PUDP: variants seen among roughly 807,000 people sequenced by gnomAD.
PUDP encodes pseudouridine 5'-phosphatase.
Under a neutral mutation model 9.4 loss-of-function variants are expected in PUDP, and 8 were observed. The ratio of observed to expected loss-of-function variants is 0.85; its 90% confidence interval spans 0.50 to 1.53. The LOEUF (loss-of-function observed/expected upper bound fraction) is 1.53, where lower values mean the gene tolerates loss of function less well. Ranked by LOEUF, PUDP falls within the 40% of genes most tolerant of loss-of-function variation. The pLI is 0.00. For missense variants in PUDP, 188 were observed against 189.7 expected (o/e 0.99, Z 0.05); for synonymous variants, 99 against 80.7 (o/e 1.23, Z -1.22).
At chrX:6,977,422 A>T (rs1173656853) in intron 2 of PUDP, among the ~76,000 whole-genome samples, 2 of 112,266 alleles carry the variant, frequency 1.8e-5, no homozygotes, top group African/African-American at 6.5e-5. Context: ...GTTCTCCATA[A>T]TAAAGACCAT....
At chrX:7,054,846 AAAGCTGATAG>A (rs1453301683) in intron 3 of PUDP, among the ~76,000 whole-genome samples, 3 of 112,329 alleles carry the variant, frequency 2.7e-5, no homozygotes, top group African/African-American at 9.7e-5. Context: ...TGAAGTTTCA[AAAGCTGATAG>A]AATAGTCAGC....
At chrX:6,929,264 A>G (rs1278528721) in intron 3 of PUDP, among the ~76,000 whole-genome samples, 1 of 112,908 alleles carries the variant, frequency 8.9e-6, no homozygotes, top group Non-Finnish European at 1.9e-5. Flanking sequence ...AATGGCTGTG[A>G]CACAGCCCTC....
intron 1 of PUDP, among the ~76,000 whole-genome samples, chrX:7,112,617 A>C (rs1932083328): frequency 8.9e-6 from 1 of 112,364 alleles, no homozygotes; most frequent in Non-Finnish European, 1.9e-5. Flanking sequence ...TTAGAATCAA[A>C]TTGTCACAAT....
chrX:6,731,584 T>C (rs756385566), intron 3 of PUDP, among the ~76,000 whole-genome samples: 6 of 111,908 alleles, frequency 5.4e-5, no homozygotes, highest in East Asian at 2.8e-4. Flanking sequence ...AATAACAATG[T>C]CATTTTCATA....
chrX:6,755,876 CA>C (rs369966783), intron 3 of PUDP, among the ~76,000 whole-genome samples: 156 of 97,938 alleles, frequency 1.6e-3, no homozygotes, highest in Non-Finnish European at 2.0e-3. Context: ...ATTAAAGGAA[CA>C]AAAAAAAAAA....
At chrX:6,928,304 T>C (rs1360399249) in intron 3 of PUDP, among the ~76,000 whole-genome samples, 1 of 110,935 alleles carries the variant, frequency 9.0e-6, no homozygotes, top group Non-Finnish European at 1.9e-5. Context: ...CTGTTCTCCT[T>C]GGTGGGTCTG....
At chrX:6,816,897 T>C (rs1926251117) in intron 3 of PUDP, among the ~76,000 whole-genome samples, 1 of 93,723 alleles carries the variant, frequency 1.1e-5, no homozygotes, top group South Asian at 4.7e-4. Flanking sequence ...TATATACACA[T>C]ACAGTATATA....
At chrX:6,721,864 A>G (rs1205086199), upstream of PUDP, among the ~76,000 whole-genome samples, 3 of 112,092 alleles carry the variant, frequency 2.7e-5, no homozygotes, top group Admixed American at 1.9e-4. Flanking sequence ...AGAATCGCTA[A>G]TAATATATTG....
intron 1 of PUDP, among the ~76,000 whole-genome samples, chrX:7,033,047 T>C (rs1929811703): frequency 9.0e-6 from 1 of 111,588 alleles, no homozygotes; most frequent in African/African-American, 3.3e-5. Context: ...GCCAGCGTGG[T>C]AGGATAAAAG....
At chrX:6,812,678 T>C (rs1926163430) in intron 3 of PUDP, among the ~76,000 whole-genome samples, 1 of 111,973 alleles carries the variant, frequency 8.9e-6, no homozygotes, top group South Asian at 3.7e-4. Context: ...TTGATAACAA[T>C]CAACAAAACA....
intron 3 of PUDP, among the ~76,000 whole-genome samples, chrX:6,783,873 G>A (rs940152180): frequency 5.4e-5 from 6 of 111,645 alleles, no homozygotes; most frequent in Non-Finnish European, 1.1e-4. Context: ...GCCCAAGTTC[G>A]AAGGCCTGAG....
intron 3 of PUDP, among the ~76,000 whole-genome samples, chrX:6,893,772 C>A (rs1927548969): frequency 1.8e-5 from 2 of 111,606 alleles, no homozygotes; most frequent in Admixed American, 1.9e-4. Flanking sequence ...GAATCTAAAT[C>A]ATTCTATTAC....
rs1303898451 is a variant in PUDP at position 6,930,726 on chromosome X, A to AC, written c.*247+46406dup. On this transcript the variant is annotated intron_variant and NMD_transcript_variant, in intron 3 of 3. Coordinates refer to the PUDP transcript ENST00000655425. Reference sequence around the variant, plus strand: ...TGCTTTCACTCTACTCTGCAGACTCACCCCCAGTTCTTTCTCGTGTGAGAT... The same window carrying AC: ...TGCTTTCACTCTACTCTGCAGACTCACCCCCCAGTTCTTTCTCGTGTGAGAT... 6.4e-5 allele frequency among the ~76,000 whole-genome samples: 7 copies of AC among 110,024 alleles called. No individual in the cohort carries two copies. The East Asian group carries it at 2.0e-3, about 32-fold the overall frequency.
upstream of PUDP, among the ~76,000 whole-genome samples, chrX:6,722,576 T>C (rs147420586): frequency 1.3e-3 from 145 of 112,226 alleles, 2 homozygotes; most frequent in East Asian, 0.031. Flanking sequence ...AAGGAGAATA[T>C]TGGAGTACCA....
chrX:6,789,642 G>A lies in PUDP; in HGVS notation c.*248-83176C>T, dbSNP rs372010822. Among the ~76,000 whole-genome samples the A allele has an allele frequency of 4.0e-4, 44 of 111,182 alleles. 1 individual carries two copies. In the East Asian group the frequency reaches 0.012, roughly 30 times the overall value. ...CTGATGGTTAGCTAGGGAGAAAATA[G>A]GTAGGGCAGCACAACCTGAGCATCG... is the stretch of plus-strand genomic sequence containing the variant. On this transcript the variant is annotated intron_variant and NMD_transcript_variant, in intron 3 of 3. Transcript: ENST00000655425.
intron 1 of PUDP, among the ~76,000 whole-genome samples, chrX:7,004,898 C>T (rs1929379492): frequency 8.9e-6 from 1 of 111,976 alleles, no homozygotes; most frequent in African/African-American, 3.3e-5. Context: ...ATATATAGTC[C>T]AATGATGAAA....
chrX:7,052,378 A>G (rs1205364943), intron 3 of PUDP, among the ~76,000 whole-genome samples: 1 of 110,323 alleles, frequency 9.1e-6, no homozygotes, highest in Non-Finnish European at 1.9e-5. Flanking sequence ...TCGGCTCATC[A>G]CCAGGTATAT....
intron 3 of PUDP, among the ~76,000 whole-genome samples, chrX:6,757,583 G>A (rs998741572): frequency 9.0e-6 from 1 of 111,272 alleles, no homozygotes; most frequent in African/African-American, 3.3e-5. Flanking sequence ...TGTGATAAGT[G>A]TTTTTGCAAG....
chrX:7,077,493 C>T, intron 2 of PUDP, 44 bp from the exon 3 acceptor site: 1 of 1,007,025 alleles, frequency 9.9e-7, no homozygotes, highest in Middle Eastern at 2.6e-4. Flanking sequence ...GCGAGGCCTC[C>T]ACCATAAGAC....
Sources: gnomAD v4.1 joint callset for allele counts (sites outside exome capture counted in the v4.1 genomes callset) on GRCh38, gnomAD v4.1.1 for gene constraint, MANE v1.5 for transcripts, NCBI Gene and HGNC (gene_info 2026-07-23, HGNC 2026-07-21) for gene names.